Variants in SEMA6D observed in about 807,000 individuals in gnomAD.
SEMA6D encodes the protein semaphorin-6D.
A neutral mutation model predicts 106.6 loss-of-function variants in SEMA6D; 35 were observed. The ratio of observed to expected loss-of-function variants is 0.33; its 90% CI spans 0.25 to 0.44. The LOEUF (loss-of-function observed/expected upper bound fraction) is 0.44. Among genes scored for constraint, SEMA6D ranks in the 20% least tolerant of loss-of-function variants. The probability of loss-of-function intolerance (pLI) is 1.00; values close to 1 mark genes in which losing one functional copy is unlikely to be tolerated. For synonymous variants in SEMA6D, 499 were observed against 487.7 expected (o/e 1.02, Z -0.31); for missense variants, 1,185 against 1,345.9 (o/e 0.88, Z 1.87).
intron 3 of SEMA6D, among the ~76,000 whole-genome samples, chr15:47,538,937 G>T (rs2045266885): frequency 6.6e-6 from 1 of 152,138 alleles, no homozygotes; most frequent in Non-Finnish European, 1.5e-5. Context: ...AATTTGCCTG[G>T]TATGAAGAAG....
chr15:47,232,992 G>C (rs2032307006), intron 1 of SEMA6D, among the ~76,000 whole-genome samples: 1 of 151,922 alleles, frequency 6.6e-6, no homozygotes, highest in South Asian at 2.1e-4. Context: ...TATGTTTGGT[G>C]TCATATTTAA....
At chr15:47,208,308 A>G (rs899883267) in intron 1 of SEMA6D, among the ~76,000 whole-genome samples, 1 of 152,166 alleles carries the variant, frequency 6.6e-6, no homozygotes, top group Non-Finnish European at 1.5e-5. Flanking sequence ...ACCTATCTTT[A>G]TTATCACTAT....
At chr15:47,664,622 C>T (rs143930098) in intron 4 of SEMA6D, among the ~76,000 whole-genome samples, 3 of 152,278 alleles carry the variant, frequency 2.0e-5, no homozygotes, top group African/African-American at 7.2e-5. Flanking sequence ...GGAACCTCTC[C>T]AGAAGGAATG....
At chr15:47,373,467 A>G (rs2039346620) in intron 1 of SEMA6D, among the ~76,000 whole-genome samples, 1 of 152,150 alleles carries the variant, frequency 6.6e-6, no homozygotes, top group South Asian at 2.1e-4. Flanking sequence ...CTTGTTTAAG[A>G]GGGAGGAGAA....
At chr15:47,625,386 TG>T (rs2077183301) in intron 4 of SEMA6D, among the ~76,000 whole-genome samples, 2 of 152,204 alleles carry the variant, frequency 1.3e-5, no homozygotes, top group African/African-American at 2.4e-5. Context: ...GTGGTTTAGA[TG>T]GGTGGGCTTC....
chr15:47,477,983 A>G (rs2043047097), intron 3 of SEMA6D, among the ~76,000 whole-genome samples: 2 of 151,978 alleles, frequency 1.3e-5, no homozygotes, highest in Admixed American at 6.6e-5. Flanking sequence ...CCATCAATAA[A>G]CTCTTCAATG....
intron 1 of SEMA6D, among the ~76,000 whole-genome samples, chr15:47,723,226 T>C (rs530935766): frequency 3.9e-5 from 6 of 152,222 alleles, no homozygotes; most frequent in African/African-American, 7.2e-5. Flanking sequence ...TGTTATACTT[T>C]ACTTTCATTT....
At chr15:47,217,075 C>CA (rs138389510) in intron 1 of SEMA6D, among the ~76,000 whole-genome samples, 4,260 of 152,234 alleles carry the variant, frequency 0.028, 209 homozygotes, top group African/African-American at 0.098. Flanking sequence ...AGCAGGCCCT[C>CA]ACCAGACCTG....
chr15:47,577,721 T>C (rs1361779061), intron 3 of SEMA6D, among the ~76,000 whole-genome samples: 1 of 152,230 alleles, frequency 6.6e-6, no homozygotes, highest in Non-Finnish European at 1.5e-5. Flanking sequence ...TTTCCCTCCC[T>C]TACCATTAGC....
intron 1 of SEMA6D, among the ~76,000 whole-genome samples, chr15:47,269,012 C>A (rs2034444414): frequency 6.6e-6 from 1 of 152,062 alleles, no homozygotes; most frequent in Non-Finnish European, 1.5e-5. Flanking sequence ...TCAGCAAAAA[C>A]AGTTGACATT....
intron 1 of SEMA6D, among the ~76,000 whole-genome samples, chr15:47,740,813 G>A (rs1205936536): frequency 6.6e-6 from 1 of 152,084 alleles, no homozygotes; most frequent in African/African-American, 2.4e-5. Context: ...AAGGCTTGAT[G>A]TTAGGTCTAG....
At chr15:47,473,184 G>A (rs1321875048) in intron 3 of SEMA6D, among the ~76,000 whole-genome samples, 1 of 152,204 alleles carries the variant, frequency 6.6e-6, no homozygotes, top group African/African-American at 2.4e-5. Flanking sequence ...CTGGAAAGGA[G>A]TGGCAGCCTC....
chr15:47,188,876 G>C (rs1595714351), intron 1 of SEMA6D, among the ~76,000 whole-genome samples: 1 of 152,138 alleles, frequency 6.6e-6, no homozygotes, highest in East Asian at 1.9e-4. Context: ...TATTCTGGCT[G>C]GGTGGAGAAG....
intron 3 of SEMA6D, among the ~76,000 whole-genome samples, chr15:47,485,633 C>G (rs1458047754): frequency 6.6e-6 from 1 of 152,150 alleles, no homozygotes; most frequent in Non-Finnish European, 1.5e-5. Flanking sequence ...AGCTTGACCA[C>G]TGTCCAGAAC....
chr15:47,290,834 A>C (rs2035566260), intron 1 of SEMA6D, among the ~76,000 whole-genome samples: 1 of 152,240 alleles, frequency 6.6e-6, no homozygotes, highest in Non-Finnish European at 1.5e-5. Flanking sequence ...AACCATTCGC[A>C]TGGGTGCATA....
chr15:47,243,088 T>A (rs1449334312), intron 1 of SEMA6D, among the ~76,000 whole-genome samples: 1 of 152,162 alleles, frequency 6.6e-6, no homozygotes, highest in African/African-American at 2.4e-5. Flanking sequence ...ACTTTTGCTT[T>A]GTGGGCTGCC....
intron 1 of SEMA6D, among the ~76,000 whole-genome samples, chr15:47,246,721 A>G (rs956834231): frequency 3.9e-5 from 6 of 152,180 alleles, no homozygotes; most frequent in African/African-American, 1.4e-4. Flanking sequence ...GTCCACCCAG[A>G]TAATCTAGAA....
At chr15:47,421,436 C>T (rs893426829) in intron 2 of SEMA6D, among the ~76,000 whole-genome samples, 22 of 151,922 alleles carry the variant, frequency 1.4e-4, no homozygotes, top group African/African-American at 5.3e-4. Flanking sequence ...AAGTGCTCAG[C>T]ACTTATGAAG....
intron 1 of SEMA6D, among the ~76,000 whole-genome samples, chr15:47,251,917 T>TGAGTGTTGCGA (rs1341336955): frequency 1.5e-5 from 2 of 130,928 alleles, no homozygotes; most frequent in African/African-American, 5.9e-5. Context: ...ATTTTTTTTT[T>TGAGTGTTGCGA]TTTTTTTTTT....
Sources: allele counts gnomAD v4.1 joint callset (sites outside exome capture counted in the v4.1 genomes callset), GRCh38; gene constraint gnomAD v4.1.1; transcripts MANE v1.5; gene names NCBI Gene and HGNC (gene_info 2026-07-23, HGNC 2026-07-21).